CDYL: variants seen among roughly 807,000 people sequenced by gnomAD.
The protein encoded by CDYL is chromodomain Y-like protein.
Under a neutral mutation model 47.3 loss-of-function variants are expected in CDYL, and 8 were observed. That is an observed-to-expected ratio of 0.17 (90% CI 0.10 to 0.31). The LOEUF (loss-of-function observed/expected upper bound fraction) is 0.31. Ranked by LOEUF, CDYL falls within the 10% of genes least tolerant of loss-of-function variation. The pLI is 1.00. For missense variants in CDYL, 471 were observed against 701.4 expected (o/e 0.67, Z 3.71); for synonymous variants, 266 against 265.0 (o/e 1.00, Z -0.04).
chr6:4,829,268 C>T lies in CDYL; in HGVS notation c.24+52461C>T, dbSNP rs184181547. ...TGTTGTTGTTGAAGGCTAGAATTGG[C>T]TGTTTAGTGACATTTCCACACTATT... On this transcript the variant is annotated intron_variant, in intron 1 of 6. Coordinates refer to ENST00000397588, the MANE Select transcript of CDYL (RefSeq NM_004824.4). 3.1e-3 allele frequency among the ~76,000 whole-genome samples: 471 copies of T among 152,166 alleles called. 2 individuals carry two copies. Among genetic ancestry groups the T allele is most frequent in the African/African-American group, 0.011 (448 of 41,522 alleles).
chr6:4,716,544 T>C (rs1004020482), intron 2 of CDYL, among the ~76,000 whole-genome samples: 2 of 151,048 alleles, frequency 1.3e-5, no homozygotes, highest in Admixed American at 6.6e-5. Context: ...AGTCAATTGA[T>C]AGCACACCCT....
At chr6:4,807,083 A>C (rs576269106) in intron 1 of CDYL, among the ~76,000 whole-genome samples, 2 of 152,244 alleles carry the variant, frequency 1.3e-5, no homozygotes, top group East Asian at 3.9e-4. Flanking sequence ...TCTTCGTATG[A>C]GGACACCAGT....
intron 2 of CDYL, among the ~76,000 whole-genome samples, chr6:4,721,067 A>G (rs986479530): frequency 2.7e-5 from 4 of 148,506 alleles, no homozygotes; most frequent in Non-Finnish European, 4.4e-5. Flanking sequence ...AAAAAATACC[A>G]ATAAATAGTA....
chr6:4,943,084 C>T (rs186026928), intron 4 of CDYL, among the ~76,000 whole-genome samples: 27 of 152,298 alleles, frequency 1.8e-4, no homozygotes, highest in Non-Finnish European at 3.2e-4. Flanking sequence ...TTTGTGAACC[C>T]TAATCCACCA....
chr6:4,773,231 G>C, upstream of CDYL: 2 of 456,998 alleles, frequency 4.4e-6, no homozygotes, highest in South Asian at 1.5e-5. This position sits in a 1 kb window ranked among gnomAD's most constrained non-coding sequence, Gnocchi z 4.6. Flanking sequence ...TGTGTATATC[G>C]TCTCTCTTGT....
intron 1 of CDYL, among the ~76,000 whole-genome samples, chr6:4,838,716 T>TCC (rs1317475840): frequency 4.6e-5 from 7 of 152,076 alleles, no homozygotes; most frequent in Non-Finnish European, 1.0e-4. Flanking sequence ...AGACAGAGTC[T>TCC]CCCTCTGTCA....
At chr6:4,864,387 T>A (rs1312260245) in intron 1 of CDYL, among the ~76,000 whole-genome samples, 1 of 152,196 alleles carries the variant, frequency 6.6e-6, no homozygotes, top group Non-Finnish European at 1.5e-5. Context: ...GGGAAACATT[T>A]TATTGACTAA....
chr6:4,755,049 G>GT (rs1450977318), intron 3 of CDYL, among the ~76,000 whole-genome samples: 2 of 148,674 alleles, frequency 1.3e-5, no homozygotes, highest in Non-Finnish European at 3.0e-5. Flanking sequence ...GTTGTTTTTT[G>GT]TTTTTTGTTT....
At chr6:4,731,108 A>T (rs1213839852) in intron 2 of CDYL, among the ~76,000 whole-genome samples, 1 of 152,160 alleles carries the variant, frequency 6.6e-6, no homozygotes. Context: ...GACTAGTGCG[A>T]ATACTCCATT....
intron 1 of CDYL, among the ~76,000 whole-genome samples, chr6:4,710,915 C>A (rs1757140898): frequency 2.3e-5 from 1 of 43,318 alleles, no homozygotes. Context: ...CAGGTGTTCT[C>A]ACCACACACA....
intron 3 of CDYL, among the ~76,000 whole-genome samples, chr6:4,758,351 A>AAAATATATATATATATAT (rs1554134098): frequency 5.4e-5 from 7 of 129,074 alleles, no homozygotes; most frequent in African/African-American, 1.8e-4. Context: ...AAAATAAATA[A>AAAATATATATATATATAT]ATATATATAT....
intron 1 of CDYL, among the ~76,000 whole-genome samples, chr6:4,862,091 T>A (rs1034921664): frequency 1.3e-5 from 2 of 152,186 alleles, no homozygotes; most frequent in African/African-American, 4.8e-5. Context: ...ATCTTGCTCT[T>A]GCGGGTACTG....
chr6:4,788,480 CAAA>C (rs1220969716), intron 1 of CDYL, among the ~76,000 whole-genome samples: 7 of 61,060 alleles, frequency 1.1e-4, no homozygotes, highest in African/African-American at 3.0e-4. Context: ...GAGACTCTGT[CAAA>C]AAAAAAAAAA....
chr6:4,707,475 C>T (rs1052406808), intron 1 of CDYL, among the ~76,000 whole-genome samples: 5 of 152,072 alleles, frequency 3.3e-5, no homozygotes, highest in East Asian at 1.9e-4. Flanking sequence ...GGTTTCACCA[C>T]GTTGGCCAGG....
chr6:4,916,633 C>A (rs1757564363), intron 2 of CDYL, among the ~76,000 whole-genome samples: 1 of 152,150 alleles, frequency 6.6e-6, no homozygotes, highest in Non-Finnish European at 1.5e-5. Flanking sequence ...TTTCTGTCCC[C>A]TGGCCTGCCT....
intron 1 of CDYL, among the ~76,000 whole-genome samples, chr6:4,866,496 A>C (rs931841848): frequency 2.0e-5 from 3 of 152,254 alleles, no homozygotes; most frequent in Middle Eastern, 3.4e-3. Context: ...GAGATATTAT[A>C]GTAAGTTCTC....
At chr6:4,933,665 A>G (rs1038899622) in intron 2 of CDYL, among the ~76,000 whole-genome samples, 2 of 152,178 alleles carry the variant, frequency 1.3e-5, no homozygotes, top group Non-Finnish European at 2.9e-5. Context: ...ATGGAGGTTA[A>G]AAGAAAAAGT....
intron 3 of CDYL, among the ~76,000 whole-genome samples, chr6:4,749,293 A>ATGGT: frequency 7.4e-6 from 1 of 135,566 alleles, no homozygotes; most frequent in African/African-American, 2.7e-5. Context: ...GGATGGATGG[A>ATGGT]TGGATGGATG....
At chr6:4,715,439 C>A (rs1178832850) in intron 1 of CDYL, among the ~76,000 whole-genome samples, 1 of 152,236 alleles carries the variant, frequency 6.6e-6, no homozygotes, top group Admixed American at 6.5e-5. Flanking sequence ...GGCTTACTTA[C>A]TCTTCCATGT....
Sources: allele counts gnomAD v4.1 joint callset (sites outside exome capture counted in the v4.1 genomes callset), GRCh38; gene constraint gnomAD v4.1.1; non-coding constraint Gnocchi (gnomAD v3.1); transcripts MANE v1.5; gene names NCBI Gene and HGNC (gene_info 2026-07-23, HGNC 2026-07-21).